DAW1: variants seen among roughly 807,000 people sequenced by gnomAD.
DAW1 encodes dynein assembly factor with WD repeats 1.
In DAW1, 47 loss-of-function variants were observed where a neutral mutation model predicts 56.5. That is an observed-to-expected ratio of 0.83 (90% CI 0.66 to 1.06). DAW1 has a LOEUF of 1.06. Ranked by LOEUF, DAW1 falls within the 50% of genes least tolerant of loss-of-function variation. The pLI, the probability that DAW1 is intolerant of heterozygous loss-of-function variation, is 0.00. For synonymous variants in DAW1, 190 were observed against 179.0 expected, an observed-to-expected ratio of 1.06 and a Z score of -0.49; for missense variants, 505 against 499.3, an observed-to-expected ratio of 1.01 and a Z score of -0.11.
rs573794612 is a variant in DAW1, at chr2:227,893,140, C to T, written c.318-655C>T. 9.4e-3 allele frequency among the ~76,000 whole-genome samples: 1,416 copies of T among 151,402 alleles called. 27 individuals carry two copies. Among genetic ancestry groups the T allele is most frequent in the African/African-American group, 0.033 (1,354 of 41,290 alleles). On this transcript the variant is annotated intron_variant, in intron 4 of 12. Transcript: ENST00000309931. ...AAAAAAAATTAGACAGGCATGGTGG[C>T]GCACCTCTAATCCCAGCTACCTGGG...
intron 8 of DAW1, 143 bp from the exon 9 acceptor site, chr2:227,906,093 A>T: frequency 1.8e-6 from 1 of 556,550 alleles, no homozygotes; most frequent in Non-Finnish European, 3.0e-6. Context: ...GAGCAATAGT[A>T]GAGCCATATT....
intron 3 of DAW1, among the ~76,000 whole-genome samples, chr2:227,890,292 CT>C (rs143485500): frequency 0.13 from 19,545 of 151,916 alleles, 2,079 homozygotes; most frequent in African/African-American, 0.29. Flanking sequence ...ATAACTAAAG[CT>C]TTTTTTCTAG....
chr2:227,921,982 T>G (rs1162303532), intron 12 of DAW1, among the ~76,000 whole-genome samples: 1 of 152,084 alleles, frequency 6.6e-6, no homozygotes, highest in African/African-American at 2.4e-5. Context: ...TGAGACCCCG[T>G]CTCTACAAAA....
At chr2:227,876,560 C>T (rs1404451658) in intron 1 of DAW1, 1 of 1,234,472 alleles carries the variant, frequency 8.1e-7, no homozygotes, top group Non-Finnish European at 1.1e-6. Context: ...TCCCGTGCTA[C>T]CTTTATCCCT....
intron 1 of DAW1, among the ~76,000 whole-genome samples, chr2:227,883,847 A>G (rs980257151): frequency 2.6e-5 from 4 of 152,222 alleles, no homozygotes; most frequent in East Asian, 1.9e-4. Flanking sequence ...GCTATGAATT[A>G]CTGTTGTTTT....
intron 10 of DAW1, among the ~76,000 whole-genome samples, chr2:227,910,659 T>TATGAATA (rs1257252246): frequency 6.6e-6 from 1 of 152,220 alleles, no homozygotes; most frequent in Non-Finnish European, 1.5e-5. Flanking sequence ...TTTATACTAT[T>TATGAATA]TCGGCATCAT....
intron 1 of DAW1, among the ~76,000 whole-genome samples, chr2:227,874,182 A>T (rs761072468): frequency 2.6e-5 from 4 of 152,186 alleles, no homozygotes; most frequent in Non-Finnish European, 4.4e-5. Flanking sequence ...TAGGTTAAGA[A>T]TATGAGCTCT....
intron 3 of DAW1, among the ~76,000 whole-genome samples, chr2:227,891,014 G>A (rs967231654): frequency 6.6e-6 from 1 of 152,150 alleles, no homozygotes; most frequent in Non-Finnish European, 1.5e-5. Flanking sequence ...AACATATTTA[G>A]TGTATTTCCT....
At chr2:227,887,473 C>T (rs1191076500) in intron 2 of DAW1, among the ~76,000 whole-genome samples, 1 of 152,188 alleles carries the variant, frequency 6.6e-6, no homozygotes. Flanking sequence ...TACTCATAAT[C>T]CCTACACTTG....
intron 1 of DAW1, among the ~76,000 whole-genome samples, chr2:227,882,795 A>G (rs905744584): frequency 2.0e-5 from 3 of 152,184 alleles, no homozygotes; most frequent in African/African-American, 4.8e-5. Flanking sequence ...TGATGGTTTT[A>G]TAATTGTTTG....
At chr2:227,885,283 A>G in intron 1 of DAW1, 68 bp from the exon 2 acceptor site, 1 of 1,101,840 alleles carries the variant, frequency 9.1e-7, no homozygotes, top group Non-Finnish European at 1.3e-6. Flanking sequence ...AACTGTGGCA[A>G]GGTAGGTTAA....
chr2:227,900,275 T>A (rs1049430095), intron 6 of DAW1, among the ~76,000 whole-genome samples: 1 of 152,170 alleles, frequency 6.6e-6, no homozygotes, highest in African/African-American at 2.4e-5. Flanking sequence ...TGTGACCATT[T>A]TTGCACACTC....
Position 227,921,458 on chromosome 2 carries a change from A to G in DAW1, c.1110A>G (p.Arg370=). The G allele has an allele frequency of 6.2e-7, 1 of 1,613,964 alleles. No homozygotes were observed. The highest frequency in any genetic ancestry group is 1.1e-5 in the South Asian group (1 of 91,060). Residue 370 remains arginine (R), a synonymous_variant, in exon 12 of 13, where the codon AGA becomes AGG. Transcript: ENST00000309931. The part of the protein sequence containing the change: ...LLTGSSDKTA[R]IWDAQTGQCL... Reference sequence around the variant, plus strand: ...CTGGCAGCTCTGACAAAACGGCTAGAATCTGGGATGCTCAGACTGGCCAGT... The same window carrying G: ...CTGGCAGCTCTGACAAAACGGCTAGGATCTGGGATGCTCAGACTGGCCAGT...
chr2:227,872,732 C>A (rs1690787075), intron 1 of DAW1, among the ~76,000 whole-genome samples: 1 of 145,624 alleles, frequency 6.9e-6, no homozygotes, highest in Non-Finnish European at 1.5e-5. Flanking sequence ...TCTGCCAGCT[C>A]TAAGTCCAAA....
chr2:227,915,607 G>C (rs1691933297), intron 10 of DAW1, among the ~76,000 whole-genome samples: 1 of 152,028 alleles, frequency 6.6e-6, no homozygotes, highest in South Asian at 2.1e-4. Flanking sequence ...TCATCTCCTT[G>C]AGAATGATGT....
chr2:227,888,903 A>G (rs1425096219), intron 2 of DAW1, among the ~76,000 whole-genome samples: 4 of 152,184 alleles, frequency 2.6e-5, no homozygotes, highest in Admixed American at 6.5e-5. Context: ...TCTTTCAGGG[A>G]AACAATATTT....
chr2:227,902,134 C>G (rs1691560507), intron 6 of DAW1, among the ~76,000 whole-genome samples: 1 of 152,072 alleles, frequency 6.6e-6, no homozygotes, highest in Admixed American at 6.6e-5. Context: ...AAGTAGGGAA[C>G]AGTGCTGAGG....
intron 6 of DAW1, among the ~76,000 whole-genome samples, chr2:227,900,069 T>C (rs539316755): frequency 1.3e-5 from 2 of 152,340 alleles, no homozygotes; most frequent in East Asian, 3.9e-4. Flanking sequence ...GAAACATAAC[T>C]GACCCTTTGA....
At position 227,885,369 on chromosome 2, in the gene DAW1, A is replaced by G. The variant is rs765132560; in HGVS notation, c.59A>G (p.Glu20Gly). 16 of 1,600,564 alleles carry G rather than the reference A, an allele frequency of 1.0e-5. No individual in the cohort carries two copies. The highest frequency in any genetic ancestry group is 1.3e-5 in the Non-Finnish European group (15 of 1,174,554). ...YYPPGIMLEY[E>G]KHGELKTKSI... ...TCTATAGGAATTATGTTGGAATATG[A>G]AAAACATGGAGAATTAAAGACTAAG... The change falls in exon 2 of 13, where the codon GAA becomes GGA. Residue 20 changes from glutamate to glycine, a missense_variant. Glu to Gly is a moderately conservative substitution (Grantham distance 98, BLOSUM62 -2). Transcript: ENST00000309931.
Sources: allele counts gnomAD v4.1 joint callset (sites outside exome capture counted in the v4.1 genomes callset), GRCh38; gene constraint gnomAD v4.1.1; transcripts MANE v1.5; gene names NCBI Gene and HGNC (gene_info 2026-07-23, HGNC 2026-07-21).